Variants in STX8 observed in about 807,000 individuals in gnomAD.
STX8 encodes syntaxin 8, also known as syntaxin-8.
STX8 carries 23 observed loss-of-function variants against 37.5 expected under a neutral mutation model. That is an observed-to-expected ratio of 0.61 (90% CI 0.44 to 0.87). STX8 has a LOEUF of 0.87. Ranked by LOEUF, STX8 falls within the 40% of genes least tolerant of loss-of-function variation. The pLI is 0.00. For synonymous variants in STX8, 115 were observed against 99.1 expected, an observed-to-expected ratio of 1.16 and a Z score of -0.95; for missense variants, 313 against 284.7, an observed-to-expected ratio of 1.10 and a Z score of -0.71.
At chr17:9,381,893 C>G (rs1282882202) in intron 6 of STX8, among the ~76,000 whole-genome samples, 3 of 152,084 alleles carry the variant, frequency 2.0e-5, no homozygotes, top group Non-Finnish European at 4.4e-5. Context: ...TGCTTGAACC[C>G]AGGAGGTGGA....
At chr17:9,419,985 T>C (rs1913364139) in intron 6 of STX8, among the ~76,000 whole-genome samples, 1 of 152,256 alleles carries the variant, frequency 6.6e-6, no homozygotes, top group South Asian at 2.1e-4. Context: ...TATTGTGCAG[T>C]GGCGTTAAAC....
intron 7 of STX8, among the ~76,000 whole-genome samples, chr17:9,373,681 T>C (rs1303341133): frequency 6.6e-6 from 1 of 152,190 alleles, no homozygotes; most frequent in African/African-American, 2.4e-5. Context: ...GGCTCACACC[T>C]GTAATCCAAG....
intron 7 of STX8, among the ~76,000 whole-genome samples, chr17:9,294,856 G>T (rs1406325379): frequency 1.3e-5 from 2 of 152,170 alleles, no homozygotes; most frequent in Non-Finnish European, 2.9e-5. Context: ...TATAAGAAGA[G>T]GAAGAGACAC....
chr17:9,401,664 A>C (rs1180251440), intron 6 of STX8, among the ~76,000 whole-genome samples: 1 of 152,172 alleles, frequency 6.6e-6, no homozygotes, highest in Non-Finnish European at 1.5e-5. Flanking sequence ...CATTCTTCTC[A>C]TTCCATAGGA....
At chr17:9,312,383 T>C (rs958696525) in intron 7 of STX8, among the ~76,000 whole-genome samples, 3 of 151,868 alleles carry the variant, frequency 2.0e-5, no homozygotes, top group Non-Finnish European at 2.9e-5. Context: ...GTATTTTTAG[T>C]AGAGATGGGG....
intron 7 of STX8, among the ~76,000 whole-genome samples, chr17:9,284,088 G>A (rs905678045): frequency 6.6e-6 from 1 of 152,188 alleles, no homozygotes; most frequent in Non-Finnish European, 1.5e-5. Context: ...AGCTCTGAGA[G>A]TTTAAACAGG....
intron 7 of STX8, among the ~76,000 whole-genome samples, chr17:9,328,801 G>A (rs967158904): frequency 1.3e-5 from 2 of 152,092 alleles, no homozygotes; most frequent in African/African-American, 4.8e-5. Flanking sequence ...TGTAATCCCA[G>A]CACTTTGGGA....
intron 4 of STX8, among the ~76,000 whole-genome samples, chr17:9,519,312 GCTCT>G (rs1318682485): frequency 3.3e-5 from 5 of 151,870 alleles, no homozygotes; most frequent in African/African-American, 7.3e-5. Flanking sequence ...CTTCTCGTAC[GCTCT>G]CTATTTTGGT....
intron 7 of STX8, among the ~76,000 whole-genome samples, chr17:9,306,345 TACTC>T (rs534276458): frequency 1.2e-4 from 19 of 152,156 alleles, no homozygotes; most frequent in Non-Finnish European, 2.2e-4. Context: ...TCAAAGCAGT[TACTC>T]ACTTAGGGAA....
chr17:9,571,889 T>C lies in STX8; in HGVS notation c.18-3419A>G, dbSNP rs563759013. On this transcript the variant is annotated intron_variant, in intron 1 of 7. Coordinates refer to ENST00000306357, the MANE Select transcript of STX8 (RefSeq NM_004853.3). ...AAGATCATGCCACTGCACTCCAGCCTGGGCGACGGAGCAAGACTCCATCTC... is the reference window on the plus strand; with the variant it reads ...AAGATCATGCCACTGCACTCCAGCCCGGGCGACGGAGCAAGACTCCATCTC... Among the ~76,000 whole-genome samples, 13 of 150,736 alleles carry C rather than the reference T, an allele frequency of 8.6e-5. No individual in the cohort carries two copies. The South Asian group carries it at 2.1e-3, about 24-fold the overall frequency.
intron 7 of STX8, among the ~76,000 whole-genome samples, chr17:9,349,266 A>G (rs1251449637): frequency 1.3e-5 from 2 of 150,968 alleles, no homozygotes; most frequent in Non-Finnish European, 2.9e-5. Flanking sequence ...TGCTTAGATT[A>G]CAGACATAAG....
intron 7 of STX8, among the ~76,000 whole-genome samples, chr17:9,352,963 C>G (rs1165914834): frequency 1.3e-5 from 2 of 151,830 alleles, no homozygotes. Flanking sequence ...GTGATCAAAG[C>G]TCACTGCAGC....
At chr17:9,265,273 C>T (rs1028779436) in intron 7 of STX8, among the ~76,000 whole-genome samples, 25 of 152,326 alleles carry the variant, frequency 1.6e-4, no homozygotes, top group Admixed American at 1.5e-3. Context: ...GCTCCAGTTC[C>T]AGGGCAAGAG....
chr17:9,545,277 T>C lies in STX8; in HGVS notation c.218A>G (p.Gln73Arg). The C allele has an allele frequency of 2.5e-6, 4 of 1,611,668 alleles. No individual in the cohort carries two copies. Among genetic ancestry groups the C allele is most frequent in the Non-Finnish European group, 3.4e-6 (4 of 1,178,254 alleles). Residue 73 changes from glutamine (Q) to arginine (R), a missense_variant, in exon 4 of 8, where the codon CAG (glutamine) becomes CGG (arginine). Coordinates refer to ENST00000306357, the MANE Select transcript of STX8 (RefSeq NM_004853.3). Reference protein sequence around the residue: ...LRAVSTHQITQLEGDRRQNLL... With the variant: ...LRAVSTHQITRLEGDRRQNLL... ...GTTCTGTCTTCGGTCCCCTTCAAGC[T>C]GTGTTCTGCAGATATCTTGTTAAGG...
At chr17:9,557,254 T>C in intron 3 of STX8, 180 bp downstream of exon 3, 1 of 555,742 alleles carries the variant, frequency 1.8e-6, no homozygotes, top group Non-Finnish European at 3.2e-6. Context: ...TGCCAGCATA[T>C]TCACTGTAAA....
chr17:9,320,723 T>C (rs1909546374), intron 7 of STX8, among the ~76,000 whole-genome samples: 1 of 146,926 alleles, frequency 6.8e-6, no homozygotes. Flanking sequence ...TGAAACCTCA[T>C]CTCTATTAAA....
chr17:9,269,111 C>T (rs1432560484), intron 7 of STX8, among the ~76,000 whole-genome samples: 9 of 150,542 alleles, frequency 6.0e-5, no homozygotes, highest in Admixed American at 3.3e-4. Context: ...GGCGTGAACC[C>T]GGGAGGCAGA....
chr17:9,335,801 GCTCT>G (rs775205364), intron 7 of STX8, among the ~76,000 whole-genome samples: 143 of 149,594 alleles, frequency 9.6e-4, no homozygotes, highest in African/African-American at 3.2e-3. Context: ...TTCAAGGTGG[GCTCT>G]CTCTCTCTCA....
At chr17:9,527,292 ATATTAG>A (rs976772315) in intron 4 of STX8, among the ~76,000 whole-genome samples, 1 of 151,372 alleles carries the variant, frequency 6.6e-6, no homozygotes, top group Non-Finnish European at 1.5e-5. Flanking sequence ...AAATAAAAAT[ATATTAG>A]CCAGGCATGG....
Sources: gnomAD v4.1 joint callset for allele counts (sites outside exome capture counted in the v4.1 genomes callset) on GRCh38, gnomAD v4.1.1 for gene constraint, MANE v1.5 for transcripts, NCBI Gene and HGNC (gene_info 2026-07-23, HGNC 2026-07-21) for gene names.